Variants in C3orf49 observed in about 807,000 individuals in gnomAD.
C3orf49 encodes the protein putative uncharacterized protein C3orf49.
Under a neutral mutation model 13.3 loss-of-function variants are expected in C3orf49, and 27 were observed. The observed-to-expected ratio is 2.02, with a 90% confidence interval of 1.49 to 2.79. C3orf49 has a LOEUF of 2.79. Among genes scored for constraint, C3orf49 ranks in the 30% most tolerant of loss-of-function variants. The pLI is 0.00. For synonymous variants in C3orf49, 87 were observed against 47.6 expected (o/e 1.83, Z -3.40); for missense variants, 242 against 134.2 (o/e 1.80, Z -3.97).
intron 2 of C3orf49, among the ~76,000 whole-genome samples, chr3:63,826,599 G>C (rs760826989): frequency 1.1e-4 from 17 of 152,130 alleles, no homozygotes; most frequent in Non-Finnish European, 2.4e-4. Context: ...TAGCCAAGTG[G>C]AAGTGTCAAG....
At chr3:63,835,698 T>C (rs536837009) in intron 5 of C3orf49, among the ~76,000 whole-genome samples, 1 of 152,236 alleles carries the variant, frequency 6.6e-6, no homozygotes, top group East Asian at 1.9e-4. Flanking sequence ...GGGTTTTTTA[T>C]TTTGGTAAAA....
the C3orf49 span, among the ~76,000 whole-genome samples, chr3:63,806,451 A>G: frequency 6.6e-6 from 1 of 152,238 alleles, no homozygotes; most frequent in East Asian, 1.9e-4. Context: ...ATGTTTTGCA[A>G]TGTGCAACAA....
At chr3:63,844,941 G>A in intron 5 of C3orf49, 82 bp from the exon 6 acceptor site, 1 of 587,970 alleles carries the variant, frequency 1.7e-6, no homozygotes, top group Non-Finnish European at 3.1e-6. Flanking sequence ...AAATGTGGAA[G>A]CGGCAAGTGT....
At chr3:63,837,991 G>C (rs759783125) in intron 5 of C3orf49, 6 of 1,606,528 alleles carry the variant, frequency 3.7e-6, no homozygotes, top group Non-Finnish European at 8.5e-7. Context: ...CGATTTTTTC[G>C]TATTCGTTTT....
At chr3:63,836,239 G>A in intron 5 of C3orf49, 1 of 1,484,508 alleles carries the variant, frequency 6.7e-7, no homozygotes, top group Non-Finnish European at 9.2e-7. Context: ...AAATGCCTAC[G>A]GTAGTTTTCG....
At chr3:63,786,888 G>A in the C3orf49 span, among the ~76,000 whole-genome samples, 3 of 152,220 alleles carry the variant, frequency 2.0e-5, no homozygotes, top group African/African-American at 4.8e-5. Context: ...TAAACTTCTC[G>A]AGAAAGACAG....
chr3:63,838,032 A>T (rs1701670647), intron 5 of C3orf49: 4 of 1,609,204 alleles, frequency 2.5e-6, no homozygotes, highest in Non-Finnish European at 3.4e-6. Flanking sequence ...GCACTCAGCA[A>T]TTTTTTCATG....
the C3orf49 span, among the ~76,000 whole-genome samples, chr3:63,810,257 C>A: frequency 1.3e-5 from 2 of 152,056 alleles, no homozygotes; most frequent in African/African-American, 4.8e-5. Context: ...CCCACCCCTG[C>A]AGACACTTCC....
At chr3:63,830,945 G>A (rs750337522) in intron 3 of C3orf49, among the ~76,000 whole-genome samples, 165 bp from the exon 4 acceptor site, 11 of 152,100 alleles carry the variant, frequency 7.2e-5, no homozygotes, top group Admixed American at 6.6e-5. Flanking sequence ...GAAGATACTT[G>A]GGGTGTGGAG....
the C3orf49 span, among the ~76,000 whole-genome samples, chr3:63,814,225 G>A: frequency 6.6e-6 from 1 of 152,156 alleles, no homozygotes; most frequent in African/African-American, 2.4e-5. Flanking sequence ...AGCATCTCTG[G>A]AGGCAGCAAA....
At chr3:63,830,536 T>C (rs1701519132) in intron 3 of C3orf49, among the ~76,000 whole-genome samples, 1 of 152,110 alleles carries the variant, frequency 6.6e-6, no homozygotes, top group Non-Finnish European at 1.5e-5. Flanking sequence ...AAGGGCATAT[T>C]AGCTGGGAGC....
At chr3:63,807,103 C>G in the C3orf49 span, among the ~76,000 whole-genome samples, 2 of 152,016 alleles carry the variant, frequency 1.3e-5, no homozygotes, top group African/African-American at 2.4e-5. Flanking sequence ...AGGCGCCCAC[C>G]ACCACGCCCG....
upstream of C3orf49, among the ~76,000 whole-genome samples, chr3:63,815,488 C>T (rs541833294): frequency 3.4e-4 from 52 of 152,304 alleles, no homozygotes; most frequent in Non-Finnish European, 7.5e-4. Flanking sequence ...ACTATGCCTT[C>T]CCCATGTCAC....
chr3:63,818,880 AC>A (rs777664879), upstream of C3orf49, among the ~76,000 whole-genome samples: 5 of 152,106 alleles, frequency 3.3e-5, no homozygotes, highest in Non-Finnish European at 7.4e-5. Context: ...AATGAAAACC[AC>A]CCTTGGGGTA....
chr3:63,807,857 CAAAAAAAAAAA>C, the C3orf49 span, among the ~76,000 whole-genome samples: 4 of 32,246 alleles, frequency 1.2e-4, no homozygotes, highest in African/African-American at 1.7e-4. Context: ...AACTTCATCT[CAAAAAAAAAAA>C]AAAAAAAAAA....
intron 3 of C3orf49, among the ~76,000 whole-genome samples, chr3:63,830,833 G>A (rs1361559580): frequency 1.3e-5 from 2 of 152,060 alleles, no homozygotes; most frequent in Admixed American, 6.6e-5. Flanking sequence ...TTCCCCTTAC[G>A]AATGACCTGC....
chr3:63,818,470 G>C (rs565588846), upstream of C3orf49, among the ~76,000 whole-genome samples: 60 of 152,140 alleles, frequency 3.9e-4, no homozygotes, highest in Non-Finnish European at 6.8e-4. Context: ...GGTTTGTTAG[G>C]AGTGCAAATT....
chr3:63,837,796 T>C (rs1701664664), intron 5 of C3orf49, among the ~76,000 whole-genome samples: 1 of 152,046 alleles, frequency 6.6e-6, no homozygotes, highest in Non-Finnish European at 1.5e-5. Flanking sequence ...AAAACATTCT[T>C]CTCAACACAG....
chr3:63,796,187 C>T, the C3orf49 span, among the ~76,000 whole-genome samples: 34 of 152,046 alleles, frequency 2.2e-4, no homozygotes, highest in African/African-American at 6.8e-4. Context: ...AATGCAATAA[C>T]TTCTCATCAC....
Sources: gnomAD v4.1 joint callset for allele counts (sites outside exome capture counted in the v4.1 genomes callset) on GRCh38, gnomAD v4.1.1 for gene constraint, MANE v1.5 for transcripts, NCBI Gene and HGNC (gene_info 2026-07-23, HGNC 2026-07-21) for gene names.